Variants in DYNC2H1 observed in about 807,000 individuals in gnomAD.
DYNC2H1 encodes dynein cytoplasmic 2 heavy chain 1.
In DYNC2H1, 410 loss-of-function variants were observed where a neutral mutation model predicts 570.0. The ratio of observed to expected loss-of-function variants is 0.72; its 90% confidence interval spans 0.66 to 0.78. The LOEUF (loss-of-function observed/expected upper bound fraction) is 0.78. DYNC2H1 is among the 30% of genes least tolerant of loss of function. DYNC2H1 has a pLI of 0.00. For synonymous variants in DYNC2H1, 1,688 were observed against 1,677.6 expected, an observed-to-expected ratio of 1.01 and a Z score of -0.15; for missense variants, 4,865 against 5,046.4, an observed-to-expected ratio of 0.96 and a Z score of 1.09.
chr11:103,381,821 T>A (rs145271469), intron 83 of DYNC2H1, among the ~76,000 whole-genome samples: 1,686 of 152,334 alleles, frequency 0.011, 33 homozygotes, highest in African/African-American at 0.038. Flanking sequence ...AGTGACTATA[T>A]TTTTTGGTAA....
Position 103,235,689 on chromosome 11 carries a change from G to A in DYNC2H1, c.9585G>A (p.Glu3195=). ...RWNAQVVEIT[E]ELATLPKRAQ... Reference sequence around the variant, plus strand: ...TTTTCCAGGTTGTAGAGATAACAGAGGAATTAGCTACTCTTCCTAAAAGAG... The same window carrying A: ...TTTTCCAGGTTGTAGAGATAACAGAAGAATTAGCTACTCTTCCTAAAAGAG... Residue 3195 remains glutamate (E), a synonymous_variant, in exon 62 of 89, where the codon GAG becomes GAA. Coordinates refer to ENST00000375735, the MANE Select transcript of DYNC2H1 (RefSeq NM_001377.3). 1.9e-6 allele frequency: 3 copies of A among 1,609,450 alleles called. No homozygotes were observed. The highest frequency in any genetic ancestry group is 2.5e-6 in the Non-Finnish European group (3 of 1,177,444).
At position 103,268,737 on chromosome 11, in the gene DYNC2H1, A is replaced by T. The variant is rs1865597313; in HGVS notation, c.10695+8760A>T. On this transcript the variant is annotated intron_variant, in intron 70 of 88. Coordinates refer to ENST00000375735, the MANE Select transcript of DYNC2H1 (RefSeq NM_001377.3). This position sits in a 1 kb window ranked among gnomAD's most constrained non-coding sequence, Gnocchi z 4.6. ...TTATAAATAAATATTATTATTAAAA[A>T]TTGTTTATGGCAAAAGAGAATATAA... is the stretch of plus-strand genomic sequence containing the variant. 6.6e-6 allele frequency among the ~76,000 whole-genome samples: 1 copy of T among 152,000 alleles called. No homozygotes were observed. Among genetic ancestry groups the T allele is most frequent in the Non-Finnish European group, 1.5e-5 (1 of 67,908 alleles).
chr11:103,349,445 G>C (rs1277455932), intron 82 of DYNC2H1, among the ~76,000 whole-genome samples: 1 of 152,072 alleles, frequency 6.6e-6, no homozygotes, highest in Non-Finnish European at 1.5e-5. Context: ...AGGTAGGATT[G>C]TTAGAGCCAC....
Position 103,160,963 on chromosome 11 carries a change from A to G in DYNC2H1, c.4410A>G (p.Ser1470=). 1 of 1,567,852 alleles carries G rather than the reference A, an allele frequency of 6.4e-7. No homozygotes were observed. Residue 1470 remains serine, a synonymous_variant, in exon 29 of 89, where the codon TCA becomes TCG. Coordinates refer to ENST00000375735, the MANE Select transcript of DYNC2H1 (RefSeq NM_001377.3). ...ACAGTGTTTGCTTTGATGAGAAATC[A>G]AAACATATAACTGCAATGAAATCTT... is the stretch of plus-strand genomic sequence containing the variant. ...GINSVCFDEK[S]KHITAMKSLE...
Position 103,461,207 on chromosome 11 carries a change from C to A in DYNC2H1, c.12648+4851C>A, listed in dbSNP as rs865868371. On this transcript the variant is annotated intron_variant, in intron 87 of 88. Transcript: ENST00000375735. The surrounding 1 kb of genome is among the most constrained non-coding windows in gnomAD (Gnocchi z 4.8). ...GTAAGTTCATTTGTCCATTTAGGCT[C>A]CTTTTAATTATGTTTTTCAGCAGAG... 6.6e-6 allele frequency among the ~76,000 whole-genome samples: 1 copy of A among 152,052 alleles called. No homozygotes were observed. The highest frequency in any genetic ancestry group is 2.4e-5 in the African/African-American group (1 of 41,372).
At chr11:103,437,798 A>T (rs1591757015) in intron 85 of DYNC2H1, among the ~76,000 whole-genome samples, 2 of 152,156 alleles carry the variant, frequency 1.3e-5, no homozygotes, top group African/African-American at 4.8e-5. Flanking sequence ...CAGGGACTTT[A>T]AACTTGCCAT....
chr11:103,140,953 A>T (rs1462747521), intron 17 of DYNC2H1, among the ~76,000 whole-genome samples: 1 of 151,300 alleles, frequency 6.6e-6, no homozygotes, highest in Non-Finnish European at 1.5e-5. Context: ...CATTTCATTC[A>T]TTTCATCTTC....
At chr11:103,276,997 T>C (rs1226219145) in intron 70 of DYNC2H1, among the ~76,000 whole-genome samples, 1 of 152,150 alleles carries the variant, frequency 6.6e-6, no homozygotes, top group African/African-American at 2.4e-5. Context: ...TTATACCAGG[T>C]ATTTTATAAA....
At position 103,249,158 on chromosome 11, in the gene DYNC2H1, T is replaced by C. The variant is rs898564101; in HGVS notation, c.10042+3784T>C. Among the ~76,000 whole-genome samples, 7 of 151,986 alleles carry C rather than the reference T, an allele frequency of 4.6e-5. No homozygotes were observed. The East Asian group carries it at 1.2e-3, about 25-fold the overall frequency. ...CTCTATAGTTCTACATTTGATATTT[T>C]CTATGAATAAGAGATGAGACAACAC... is the stretch of plus-strand genomic sequence containing the variant. On this transcript the variant is annotated intron_variant, in intron 65 of 88. Transcript: ENST00000375735. This position sits in a 1 kb window ranked among gnomAD's most constrained non-coding sequence, Gnocchi z 4.6.
chr11:103,118,345 T>TA (rs1858522134), intron 6 of DYNC2H1, among the ~76,000 whole-genome samples: 2 of 151,856 alleles, frequency 1.3e-5, no homozygotes, highest in Non-Finnish European at 2.9e-5. Context: ...AGTTCTTTAT[T>TA]AGAGACTTTT....
chr11:103,291,828 CTTT>C (rs1866612135), intron 75 of DYNC2H1, among the ~76,000 whole-genome samples: 1 of 152,124 alleles, frequency 6.6e-6, no homozygotes, highest in African/African-American at 2.4e-5. Context: ...TCTTTCTATA[CTTT>C]TTGTCTTGAA....
At position 103,177,565 on chromosome 11, in the gene DYNC2H1, G is replaced by T. The variant is rs764860049; in HGVS notation, c.5884G>T (p.Ala1962Ser). ...YEIIPNQIKKALELYEQLCQR... is the reference protein window; with the variant it reads ...YEIIPNQIKKSLELYEQLCQR... ...ATTTCTTTCCTACTAGATCAAAAAG[G>T]CTTTAGAATTGTATGAACAGTTATG... is the stretch of plus-strand genomic sequence containing the variant. The change falls in exon 38 of 89, where the codon GCT becomes TCT. Residue 1962 changes from alanine (A) to serine (S), a missense_variant. Ala to Ser is a moderately conservative substitution (Grantham distance 99, BLOSUM62 1). Around this residue, in one of 5 missense-constraint regions of DYNC2H1, gnomAD observed 292 missense variants for 300.2 expected, o/e 0.97. Coordinates refer to ENST00000375735, the MANE Select transcript of DYNC2H1 (RefSeq NM_001377.3). This position sits in a 1 kb window ranked among gnomAD's most constrained non-coding sequence, Gnocchi z 4.4. The T allele has an allele frequency of 6.2e-6, 10 of 1,605,340 alleles. No individual in the cohort carries two copies. In the Admixed American group the frequency reaches 1.4e-4, roughly 22 times the overall value.
intron 6 of DYNC2H1, among the ~76,000 whole-genome samples, chr11:103,119,805 G>C (rs1272558795): frequency 6.6e-6 from 1 of 152,132 alleles, no homozygotes; most frequent in African/African-American, 2.4e-5. Flanking sequence ...CTGTTACTTA[G>C]TTATCAATGC....
At chr11:103,422,340 A>C (rs373317293) in intron 84 of DYNC2H1, among the ~76,000 whole-genome samples, 1 of 152,208 alleles carries the variant, frequency 6.6e-6, no homozygotes, top group African/African-American at 2.4e-5. Context: ...AACTTATTCT[A>C]TAAAGCCAAC....
rs1245251227 is a variant in DYNC2H1 at position 103,185,525 on chromosome 11, AT to A, written c.6633+482del. 6.6e-5 allele frequency among the ~76,000 whole-genome samples: 10 copies of A among 151,846 alleles called. No individual in the cohort carries two copies. The South Asian group carries it at 1.2e-3, about 19-fold the overall frequency. On this transcript the variant is annotated intron_variant, in intron 41 of 88. Transcript: ENST00000375735. This position sits in a 1 kb window ranked among gnomAD's most constrained non-coding sequence, Gnocchi z 4.5. Reference sequence around the variant, plus strand: ...AAAGCTGAATTCTAAATAATAAGTGATTTTTTTTCCAATTGACCTCTACTGA... The same window carrying A: ...AAAGCTGAATTCTAAATAATAAGTGATTTTTTTCCAATTGACCTCTACTGA...
intron 54 of DYNC2H1, among the ~76,000 whole-genome samples, chr11:103,212,194 T>C (rs1256824893): frequency 6.6e-6 from 1 of 152,136 alleles, no homozygotes; most frequent in Non-Finnish European, 1.5e-5. Context: ...TGATAGCTTA[T>C]GGTACTCTCT....
intron 75 of DYNC2H1, among the ~76,000 whole-genome samples, chr11:103,295,233 C>T (rs1001486748): frequency 4.6e-5 from 7 of 152,190 alleles, no homozygotes; most frequent in Admixed American, 2.0e-4. Context: ...GAGGACTTCC[C>T]TCTGGCCCCG....
intron 70 of DYNC2H1, among the ~76,000 whole-genome samples, chr11:103,262,975 G>C (rs1591491480): frequency 7.1e-6 from 1 of 140,016 alleles, no homozygotes; most frequent in East Asian, 2.1e-4. Flanking sequence ...GATACACATA[G>C]GCCCAAAATA....
intron 85 of DYNC2H1, among the ~76,000 whole-genome samples, chr11:103,437,163 A>T (rs1436099554): frequency 6.6e-6 from 1 of 152,150 alleles, no homozygotes; most frequent in South Asian, 2.1e-4. Context: ...TTTACTTCAT[A>T]GAGAAAATTC....
Sources: allele counts gnomAD v4.1 joint callset (sites outside exome capture counted in the v4.1 genomes callset), GRCh38; gene constraint gnomAD v4.1.1; regional missense constraint gnomAD v4.1.1; non-coding constraint Gnocchi (gnomAD v3.1); transcripts MANE v1.5; gene names NCBI Gene and HGNC (gene_info 2026-07-23, HGNC 2026-07-21).